Variants in STK39 observed in about 807,000 individuals in gnomAD.
The protein encoded by STK39 is serine/threonine kinase 39, also known as STE20/SPS1-related proline-alanine-rich protein kinase.
STK39 carries 20 observed loss-of-function variants against 77.8 expected under a neutral mutation model. The ratio of observed to expected loss-of-function variants is 0.26; its 90% CI spans 0.18 to 0.37. The LOEUF (loss-of-function observed/expected upper bound fraction) is 0.37. Ranked by LOEUF, STK39 falls within the 10% of genes least tolerant of loss-of-function variation. The pLI is 1.00. For synonymous variants in STK39, 246 were observed against 234.1 expected (o/e 1.05, Z -0.47); for missense variants, 479 against 656.5 (o/e 0.73, Z 2.95).
intron 16 of STK39, among the ~76,000 whole-genome samples, chr2:167,971,162 G>A (rs984791125): frequency 6.6e-6 from 1 of 151,740 alleles, no homozygotes; most frequent in South Asian, 2.1e-4. Flanking sequence ...TAGTGGGTAA[G>A]TTCTCTCTCA....
chr2:168,231,890 G>A (rs937155683), intron 1 of STK39: 1 of 234,570 alleles, frequency 4.3e-6, no homozygotes, highest in African/African-American at 2.3e-5. Flanking sequence ...GCAGCAGCTT[G>A]ATGTGGGGGG....
chr2:167,984,098 T>C (rs1683498586), intron 16 of STK39, among the ~76,000 whole-genome samples: 1 of 152,198 alleles, frequency 6.6e-6, no homozygotes, highest in Non-Finnish European at 1.5e-5. Context: ...TAAGCAGATG[T>C]GTGTTCTAAT....
At chr2:168,136,745 G>A (rs544052881) in intron 8 of STK39, among the ~76,000 whole-genome samples, 2 of 152,290 alleles carry the variant, frequency 1.3e-5, no homozygotes, top group Admixed American at 1.3e-4. Context: ...ATAAGCAAAT[G>A]TTGGAAAACA....
rs1408481508 is a variant in STK39 at position 168,074,973 on chromosome 2, A to G, written c.1242+9T>C. 6.2e-7 allele frequency: 1 copy of G among 1,612,976 alleles called. No individual in the cohort carries two copies. The highest frequency in any genetic ancestry group is 1.7e-5 in the Admixed American group (1 of 59,968). On this transcript the variant is annotated intron_variant, in intron 12 of 17. Coordinates refer to ENST00000355999, the MANE Select transcript of STK39 (RefSeq NM_013233.3). ...ATGGCAAAATAATAAATAAATAGCC[A>G]CAGCTCACCTCTGGATTTTCTTCTT...
chr2:168,138,658 G>A (rs1687899508), intron 7 of STK39, among the ~76,000 whole-genome samples: 1 of 152,140 alleles, frequency 6.6e-6, no homozygotes, highest in Non-Finnish European at 1.5e-5. Flanking sequence ...CACATTACTA[G>A]CCCTAAAAAT....
chr2:168,246,630 G>A (rs879735395), intron 1 of STK39, among the ~76,000 whole-genome samples: 15 of 152,216 alleles, frequency 9.9e-5, no homozygotes, highest in Non-Finnish European at 1.9e-4. Flanking sequence ...GCTGCAAGGC[G>A]GGCGTGGAGT....
intron 8 of STK39, among the ~76,000 whole-genome samples, chr2:168,135,927 G>A (rs568235110): frequency 1.3e-5 from 2 of 150,682 alleles, no homozygotes; most frequent in South Asian, 4.2e-4. Flanking sequence ...TTAAGAGAGT[G>A]GTCTCTGAAG....
chr2:168,028,165 GT>G (rs1684748332), intron 14 of STK39, among the ~76,000 whole-genome samples: 1 of 151,778 alleles, frequency 6.6e-6, no homozygotes, highest in African/African-American at 2.4e-5. Context: ...TTACATAATA[GT>G]TTCAAAAATT....
intron 1 of STK39, among the ~76,000 whole-genome samples, chr2:168,197,944 A>C (rs1689513617): frequency 6.6e-6 from 1 of 151,634 alleles, no homozygotes; most frequent in South Asian, 2.1e-4. Context: ...AGGCTGAGGC[A>C]GGAGAATCAC....
In STK39 at chr2:168,016,387, C is replaced by CAAAAAAAAAA. The variant is rs869084308; in HGVS notation, c.1429+646_1429+655dup. On this transcript the variant is annotated intron_variant, in intron 15 of 17. Coordinates refer to ENST00000355999, the MANE Select transcript of STK39 (RefSeq NM_013233.3). ...TTTTGTTTGGCTGGTGGCCTTTGTT[C>CAAAAAAAAAA]AAAAAAAAAAAAAAAAAAAAAAAAA... 3.5e-3 allele frequency among the ~76,000 whole-genome samples: 228 copies of CAAAAAAAAAA among 65,666 alleles called. 9 individuals carry two copies. The highest frequency in any genetic ancestry group is 0.012 in the African/African-American group (215 of 18,016). The allele number at this position is 65,666 out of a possible 152,430, so 43.1% of individuals were successfully genotyped here.
chr2:168,135,936 A>T (rs1335010786), intron 8 of STK39, among the ~76,000 whole-genome samples: 3 of 152,068 alleles, frequency 2.0e-5, no homozygotes, highest in Non-Finnish European at 4.4e-5. Context: ...TGGTCTCTGA[A>T]GGAAAGATTT....
At chr2:168,136,164 C>G (rs765455769) in intron 8 of STK39, among the ~76,000 whole-genome samples, 1 of 151,536 alleles carries the variant, frequency 6.6e-6, no homozygotes, top group African/African-American at 2.4e-5. Flanking sequence ...GTCAGGAGAT[C>G]GAGATCATCT....
chr2:167,990,571 A>G (rs1486243875), intron 16 of STK39, among the ~76,000 whole-genome samples: 1 of 152,224 alleles, frequency 6.6e-6, no homozygotes, highest in Non-Finnish European at 1.5e-5. Flanking sequence ...TAACTCTAGA[A>G]GACAGAAACC....
chr2:168,243,653 G>C lies in STK39; in HGVS notation c.208+3575C>G, dbSNP rs372601260. Among the ~76,000 whole-genome samples, 8 of 152,302 alleles carry C rather than the reference G, an allele frequency of 5.3e-5. No homozygotes were observed. In the South Asian group the frequency reaches 8.3e-4, roughly 16 times the overall value. On this transcript the variant is annotated intron_variant, in intron 1 of 17. Coordinates refer to ENST00000355999, the MANE Select transcript of STK39 (RefSeq NM_013233.3). ...GAAATTCAGCAAAGATAACAACATT[G>C]CTGGAATCACCTAATTCAAATACAG...
chr2:168,211,806 C>T (rs1689897926), intron 1 of STK39, among the ~76,000 whole-genome samples: 1 of 152,148 alleles, frequency 6.6e-6, no homozygotes. Flanking sequence ...ACAGGGCGTT[C>T]ATGTATAAAT....
intron 1 of STK39, among the ~76,000 whole-genome samples, chr2:168,238,069 C>G (rs1487331372): frequency 6.6e-6 from 1 of 152,172 alleles, no homozygotes; most frequent in African/African-American, 2.4e-5. Flanking sequence ...CCAGACTAAA[C>G]AGAGTAGGAA....
intron 16 of STK39, among the ~76,000 whole-genome samples, chr2:167,997,825 A>T (rs1683886095): frequency 6.6e-6 from 1 of 152,214 alleles, no homozygotes; most frequent in Non-Finnish European, 1.5e-5. Context: ...GATTTAAAGA[A>T]TTGTGGGGGA....
At chr2:168,101,848 C>T (rs1574466160) in intron 10 of STK39, among the ~76,000 whole-genome samples, 1 of 152,268 alleles carries the variant, frequency 6.6e-6, no homozygotes, top group East Asian at 1.9e-4. Context: ...TTAGTATATT[C>T]ACAGAATTGT....
At chr2:168,105,320 C>T (rs192937488) in intron 10 of STK39, among the ~76,000 whole-genome samples, 392 of 152,268 alleles carry the variant, frequency 2.6e-3, no homozygotes, top group South Asian at 7.9e-3. Context: ...AAAAGGCCTG[C>T]GCTCTCTTAG....
Sources: gnomAD v4.1 joint callset for allele counts (sites outside exome capture counted in the v4.1 genomes callset) on GRCh38, gnomAD v4.1.1 for gene constraint, MANE v1.5 for transcripts, NCBI Gene and HGNC (gene_info 2026-07-23, HGNC 2026-07-21) for gene names.